ROBO1: variants seen among roughly 807,000 people sequenced by gnomAD.
The protein encoded by ROBO1 is roundabout homolog 1.
A neutral mutation model predicts 195.9 loss-of-function variants in ROBO1; 149 were observed. That is an observed-to-expected ratio of 0.76 (90% CI 0.67 to 0.87). ROBO1 has a LOEUF of 0.87. ROBO1 is among the 40% of genes least tolerant of loss of function. The pLI is 0.00. For missense variants in ROBO1, 1,933 were observed against 2,068.3 expected, an observed-to-expected ratio of 0.93 and a Z score of 1.27; for synonymous variants, 816 against 733.2, an observed-to-expected ratio of 1.11 and a Z score of -1.82.
chr3:78,998,130 T>C (rs1015487998), intron 3 of ROBO1, among the ~76,000 whole-genome samples: 4 of 152,278 alleles, frequency 2.6e-5, no homozygotes, highest in African/African-American at 9.6e-5. Flanking sequence ...TCTAAATCAA[T>C]AGTGTATATT....
At chr3:79,411,792 A>AT (rs2037779496) in intron 2 of ROBO1, among the ~76,000 whole-genome samples, 2 of 152,176 alleles carry the variant, frequency 1.3e-5, no homozygotes, top group Non-Finnish European at 2.9e-5. Context: ...GTGAAAAATT[A>AT]TTTTTAAGTT....
intron 2 of ROBO1, among the ~76,000 whole-genome samples, chr3:79,298,116 A>T (rs1050051002): frequency 2.0e-5 from 3 of 151,396 alleles, no homozygotes; most frequent in South Asian, 4.2e-4. Flanking sequence ...ATATGGATTT[A>T]AAAAAAAATA....
chr3:79,163,622 T>C (rs2081012335), intron 2 of ROBO1, among the ~76,000 whole-genome samples: 1 of 152,160 alleles, frequency 6.6e-6, no homozygotes, highest in Non-Finnish European at 1.5e-5. Flanking sequence ...TTACAGCAGT[T>C]GTATCATTTT....
At chr3:79,285,118 T>A (rs947910656) in intron 2 of ROBO1, among the ~76,000 whole-genome samples, 1 of 152,188 alleles carries the variant, frequency 6.6e-6, no homozygotes, top group African/African-American at 2.4e-5. Flanking sequence ...ACTTTCTCAG[T>A]AATTTATAAA....
chr3:79,606,929 G>A (rs1017407251), intron 1 of ROBO1, among the ~76,000 whole-genome samples: 3 of 151,876 alleles, frequency 2.0e-5, no homozygotes, highest in Non-Finnish European at 4.4e-5. Context: ...ATCAATGTAA[G>A]ATATTCTAAG....
At chr3:78,832,301 C>G (rs1440479352) in intron 4 of ROBO1, among the ~76,000 whole-genome samples, 1 of 152,152 alleles carries the variant, frequency 6.6e-6, no homozygotes, top group Non-Finnish European at 1.5e-5. Context: ...TTTCTAAACT[C>G]AAAATATTTT....
chr3:79,442,078 A>AT (rs967627748), intron 2 of ROBO1, among the ~76,000 whole-genome samples: 12 of 152,124 alleles, frequency 7.9e-5, no homozygotes, highest in Non-Finnish European at 1.8e-4. Flanking sequence ...CTCAATTCTT[A>AT]TTTTTTTATT....
rs755375406 is a variant in ROBO1 at position 78,600,184 on chromosome 3, G to A, written c.4870C>T (p.Arg1624Ter). 3.7e-6 allele frequency: 6 copies of A among 1,613,276 alleles called. No homozygotes were observed. Among genetic ancestry groups the A allele is most frequent in the Non-Finnish European group, 5.1e-6 (6 of 1,179,574 alleles). ...ACCTGCATTTCTGCAATATTTCTTC[G>A]ACCTACATTTGCTTGTTCTCTTTGT... ...SRQREQANVG[R>*]RNIAEMQVLG... is the part of the protein sequence containing the mutation. The change falls in exon 30 of 31, where the codon CGA becomes TGA. Residue 1624 changes from arginine (R) to a stop codon, truncating the protein, a stop_gained. Transcript: ENST00000464233. LOFTEE classifies it high-confidence loss of function.
chr3:79,487,439 A>G (rs1252548294), intron 2 of ROBO1, among the ~76,000 whole-genome samples: 1 of 151,778 alleles, frequency 6.6e-6, no homozygotes, highest in Admixed American at 6.6e-5. Flanking sequence ...CTGGTCTTCA[A>G]CTCCTGACCT....
chr3:78,598,936 G>GAT lies in ROBO1; in HGVS notation c.4942-11_4942-10dup. The GAT allele has an allele frequency of 6.4e-7, 1 of 1,551,940 alleles. No homozygotes were observed. The highest frequency in any genetic ancestry group is 8.8e-7 in the Non-Finnish European group (1 of 1,138,336). On this transcript the variant is annotated splice_polypyrimidine_tract_variant and intron_variant, in intron 30 of 30. Transcript: ENST00000464233. ...CTTCAGCTTTCAGTTTCCTGTAAGA[G>GAT]ATACGTTATTGTCACATTTGAAAAT...
chr3:78,830,862 T>C (rs1455761112), intron 4 of ROBO1, among the ~76,000 whole-genome samples: 1 of 152,096 alleles, frequency 6.6e-6, no homozygotes, highest in Non-Finnish European at 1.5e-5. Flanking sequence ...GCTTCTACTT[T>C]GGTAACTCTG....
At chr3:79,321,253 GTAT>G (rs1296450819) in intron 2 of ROBO1, among the ~76,000 whole-genome samples, 1 of 151,790 alleles carries the variant, frequency 6.6e-6, no homozygotes, top group Admixed American at 6.6e-5. Context: ...TTCTATAGGG[GTAT>G]TTACATTTGG....
chr3:79,520,525 A>G (rs911249607), intron 2 of ROBO1, among the ~76,000 whole-genome samples: 1 of 152,208 alleles, frequency 6.6e-6, no homozygotes, highest in Non-Finnish European at 1.5e-5. Flanking sequence ...CAAATGTTTA[A>G]TATTTAACAC....
At chr3:79,730,368 A>G (rs1325761175) in intron 1 of ROBO1, among the ~76,000 whole-genome samples, 6 of 152,216 alleles carry the variant, frequency 3.9e-5, no homozygotes, top group Admixed American at 2.6e-4. Context: ...TCTGATTCCT[A>G]TGTAATTATA....
chr3:78,804,793 A>G (rs947342532), intron 4 of ROBO1, among the ~76,000 whole-genome samples: 1 of 151,610 alleles, frequency 6.6e-6, no homozygotes, highest in African/African-American at 2.4e-5. Flanking sequence ...AGGGCTTGGC[A>G]AACAACTTTT....
intron 2 of ROBO1, among the ~76,000 whole-genome samples, chr3:79,141,646 GT>G: frequency 6.6e-6 from 1 of 150,716 alleles, no homozygotes; most frequent in South Asian, 2.1e-4. Flanking sequence ...GAGGGAGGCT[GT>G]TTGTAGCAAT....
chr3:78,869,546 C>G (rs775716050), intron 4 of ROBO1, among the ~76,000 whole-genome samples: 2 of 152,124 alleles, frequency 1.3e-5, no homozygotes, highest in East Asian at 3.9e-4. Context: ...CAGCCCCAAC[C>G]TCTTTGGTCT....
At chr3:79,050,099 C>G (rs1368443971) in intron 3 of ROBO1, among the ~76,000 whole-genome samples, 1 of 152,066 alleles carries the variant, frequency 6.6e-6, no homozygotes, top group Non-Finnish European at 1.5e-5. Flanking sequence ...CACAGACTGG[C>G]AAATTGGATA....
chr3:79,725,788 A>G (rs924180803), intron 1 of ROBO1, among the ~76,000 whole-genome samples: 1 of 152,144 alleles, frequency 6.6e-6, no homozygotes, highest in Middle Eastern at 3.2e-3. Context: ...GCTAAAATAT[A>G]TGACTTTTAA....
Sources: allele counts gnomAD v4.1 joint callset (sites outside exome capture counted in the v4.1 genomes callset), GRCh38; gene constraint gnomAD v4.1.1; transcripts MANE v1.5; gene names NCBI Gene and HGNC (gene_info 2026-07-23, HGNC 2026-07-21).